The following NLGN1 variants were observed in gnomAD, a reference collection of about 807,000 sequenced individuals.
The protein encoded by NLGN1 is neuroligin 1, also known as neuroligin-1.
Under a neutral mutation model 65.5 loss-of-function variants are expected in NLGN1, and 12 were observed. The ratio of observed to expected loss-of-function variants is 0.18; its 90% CI spans 0.12 to 0.30. The LOEUF (loss-of-function observed/expected upper bound fraction) is 0.30. Among genes scored for constraint, NLGN1 ranks in the 10% least tolerant of loss-of-function variants. The pLI is 1.00. For missense variants in NLGN1, 750 were observed against 1,007.1 expected (o/e 0.74, Z 3.46); for synonymous variants, 350 against 359.5 (o/e 0.97, Z 0.30).
At chr3:173,523,815 A>T (rs970943188) in intron 2 of NLGN1, among the ~76,000 whole-genome samples, 1 of 151,548 alleles carries the variant, frequency 6.6e-6, no homozygotes, top group Admixed American at 6.6e-5. Flanking sequence ...ATTTGATAGG[A>T]ATTGCATTTA....
intron 3 of NLGN1, among the ~76,000 whole-genome samples, chr3:173,649,369 T>G (rs1461674201): frequency 1.3e-5 from 2 of 152,068 alleles, no homozygotes; most frequent in Admixed American, 1.3e-4. Flanking sequence ...ATTTTGTAAC[T>G]ATTACAAGTT....
At chr3:173,782,150 G>A (rs1279280949) in intron 3 of NLGN1, among the ~76,000 whole-genome samples, 1 of 151,928 alleles carries the variant, frequency 6.6e-6, no homozygotes, top group Non-Finnish European at 1.5e-5. Context: ...GGAGGAATAG[G>A]GCAAATTAGA....
At chr3:173,688,165 C>A (rs1282601714) in intron 3 of NLGN1, among the ~76,000 whole-genome samples, 2 of 152,216 alleles carry the variant, frequency 1.3e-5, no homozygotes, top group Non-Finnish European at 2.9e-5. Flanking sequence ...AATGCTACTG[C>A]ATGTTCTTCC....
intron 3 of NLGN1, among the ~76,000 whole-genome samples, chr3:173,747,801 CTTTTTTTTTTTTTTTT>C (rs749749824): frequency 2.3e-4 from 15 of 64,424 alleles, no homozygotes; most frequent in Admixed American, 6.0e-4. Context: ...TCTTCTTGTT[CTTTTTTTTTTTTTTTT>C]TTTTTTTTTT....
intron 4 of NLGN1, among the ~76,000 whole-genome samples, chr3:174,238,812 G>A (rs939166325): frequency 3.7e-4 from 56 of 152,100 alleles, no homozygotes; most frequent in Admixed American, 1.3e-3. Flanking sequence ...TAGTAAATCA[G>A]TTTTAAAGAT....
intron 3 of NLGN1, among the ~76,000 whole-genome samples, chr3:173,778,162 TA>T (rs553102792): frequency 6.6e-6 from 1 of 151,716 alleles, no homozygotes; most frequent in African/African-American, 2.4e-5. Context: ...TCTGTTTTTT[TA>T]AAAAAAACCT....
intron 4 of NLGN1, among the ~76,000 whole-genome samples, chr3:174,013,716 A>G (rs767563143): frequency 6.6e-6 from 1 of 151,736 alleles, no homozygotes; most frequent in Non-Finnish European, 1.5e-5. Flanking sequence ...TCAGTTTTTT[A>G]TTTGTTTGTT....
intron 4 of NLGN1, among the ~76,000 whole-genome samples, chr3:173,970,311 A>C (rs1411072477): frequency 6.6e-6 from 1 of 152,174 alleles, no homozygotes; most frequent in Non-Finnish European, 1.5e-5. Context: ...GAAAATGTAC[A>C]GGGTGCGTTG....
chr3:173,734,405 T>TTC (rs1168056102), intron 3 of NLGN1, among the ~76,000 whole-genome samples: 2 of 140,628 alleles, frequency 1.4e-5, no homozygotes, highest in African/African-American at 5.3e-5. Flanking sequence ...TTTTTTTTTT[T>TTC]TTTTTTTTAG....
chr3:173,517,559 G>A (rs1236356295), intron 2 of NLGN1, among the ~76,000 whole-genome samples: 2 of 151,976 alleles, frequency 1.3e-5, no homozygotes, highest in Non-Finnish European at 2.9e-5. Context: ...TATATATAGA[G>A]TATTGTGTCC....
intron 4 of NLGN1, chr3:174,136,661 C>G (rs1721274364): frequency 6.6e-6 from 1 of 152,086 alleles, no homozygotes; most frequent in African/African-American, 2.4e-5. Flanking sequence ...TAAGCTAGCT[C>G]TCTTTCATTT....
At chr3:173,650,029 A>G (rs1758894910) in intron 3 of NLGN1, among the ~76,000 whole-genome samples, 1 of 152,032 alleles carries the variant, frequency 6.6e-6, no homozygotes, top group Admixed American at 6.6e-5. Context: ...TATTTTTTAT[A>G]TTTGCATATG....
chr3:174,267,756 T>C (rs1398516058), intron 4 of NLGN1, among the ~76,000 whole-genome samples: 1 of 152,178 alleles, frequency 6.6e-6, no homozygotes, highest in Non-Finnish European at 1.5e-5. Flanking sequence ...TAGACCTCTT[T>C]CATTTGAAAA....
intron 4 of NLGN1, among the ~76,000 whole-genome samples, chr3:173,936,136 T>C (rs1014165396): frequency 6.6e-6 from 1 of 151,934 alleles, no homozygotes; most frequent in East Asian, 1.9e-4. Flanking sequence ...TCTTATGTAA[T>C]GGTTCTCACA....
At chr3:173,650,193 A>G (rs1173932442) in intron 3 of NLGN1, among the ~76,000 whole-genome samples, 1 of 152,074 alleles carries the variant, frequency 6.6e-6, no homozygotes, top group East Asian at 1.9e-4. Flanking sequence ...TATCCACTTC[A>G]TTCATCTTCA....
At chr3:173,938,397 CATGG>C (rs1745410525) in intron 4 of NLGN1, among the ~76,000 whole-genome samples, 1 of 151,924 alleles carries the variant, frequency 6.6e-6, no homozygotes, top group African/African-American at 2.4e-5. Flanking sequence ...ATTTATTTGC[CATGG>C]AAACATAGTC....
chr3:174,003,639 A>C (rs941931454), intron 4 of NLGN1, among the ~76,000 whole-genome samples: 5 of 152,184 alleles, frequency 3.3e-5, no homozygotes, highest in Admixed American at 1.3e-4. Flanking sequence ...AAACTCTAAC[A>C]TATCTCTCTC....
intron 2 of NLGN1, among the ~76,000 whole-genome samples, chr3:173,457,786 A>G (rs1374087273): frequency 6.6e-6 from 1 of 152,134 alleles, no homozygotes; most frequent in Non-Finnish European, 1.5e-5. Context: ...GATGATGAAA[A>G]AGAAAAGAAC....
chr3:173,946,367 G>T (rs35812017), intron 4 of NLGN1, among the ~76,000 whole-genome samples: 40,906 of 151,932 alleles, frequency 0.27, 6,075 homozygotes, highest in African/African-American at 0.4. Context: ...TCATAGGAAG[G>T]TTGCATTTTA....
Sources: allele counts gnomAD v4.1 joint callset (sites outside exome capture counted in the v4.1 genomes callset), GRCh38; gene constraint gnomAD v4.1.1; transcripts MANE v1.5; gene names NCBI Gene and HGNC (gene_info 2026-07-23, HGNC 2026-07-21).